Variants in CCDC91 observed in about 807,000 individuals in gnomAD.
CCDC91 encodes coiled-coil domain-containing protein 91.
A neutral mutation model predicts 63.2 loss-of-function variants in CCDC91; 48 were observed. The observed-to-expected ratio is 0.76, with a 90% CI of 0.60 to 0.97. CCDC91 has a LOEUF of 0.97. Ranked by LOEUF, CCDC91 falls within the 50% of genes least tolerant of loss-of-function variation. CCDC91 has a pLI of 0.00. For missense variants in CCDC91, 500 were observed against 494.6 expected (o/e 1.01, Z -0.10); for synonymous variants, 167 against 165.8 (o/e 1.01, Z -0.06).
At chr12:28,265,774 A>T (rs1486583858) in intron 3 of CCDC91, among the ~76,000 whole-genome samples, 1 of 152,056 alleles carries the variant, frequency 6.6e-6, no homozygotes, top group Non-Finnish European at 1.5e-5. Context: ...TGTTAATCAA[A>T]TTCATTTGTC....
chr12:28,240,081 ATACT>A (rs1194138266), intron 1 of CCDC91, among the ~76,000 whole-genome samples: 2 of 152,292 alleles, frequency 1.3e-5, no homozygotes, highest in African/African-American at 4.8e-5. Flanking sequence ...ATTTCTGTCA[ATACT>A]TACTCTGAAA....
At chr12:28,415,963 G>C (rs1258067322) in intron 8 of CCDC91, among the ~76,000 whole-genome samples, 1 of 97,260 alleles carries the variant, frequency 1.0e-5, no homozygotes, top group Admixed American at 1.4e-4. Flanking sequence ...CAGCACTGAG[G>C]AATGTGTTTT....
intron 12 of CCDC91, among the ~76,000 whole-genome samples, chr12:28,500,933 T>C (rs1053434122): frequency 5.3e-5 from 8 of 151,708 alleles, no homozygotes; most frequent in Non-Finnish European, 1.0e-4. Flanking sequence ...AAACAAGTCA[T>C]AGAAATTCTC....
intron 7 of CCDC91, among the ~76,000 whole-genome samples, chr12:28,365,017 C>T (rs1231182137): frequency 2.0e-5 from 3 of 152,068 alleles, no homozygotes; most frequent in South Asian, 4.1e-4. Flanking sequence ...AATCAATATG[C>T]AATGAATTTT....
chr12:28,405,301 G>A (rs528841108), intron 8 of CCDC91, among the ~76,000 whole-genome samples: 4 of 152,024 alleles, frequency 2.6e-5, no homozygotes, highest in Admixed American at 6.5e-5. Context: ...CAATACTAAA[G>A]TATTCCAAGT....
intron 3 of CCDC91, among the ~76,000 whole-genome samples, chr12:28,275,116 G>A (rs900349919): frequency 2.0e-5 from 3 of 152,064 alleles, no homozygotes; most frequent in Non-Finnish European, 4.4e-5. Context: ...AAATAACTAA[G>A]ATCAGAGCAG....
chr12:28,205,054 C>A (rs1356740336), intron 1 of CCDC91, among the ~76,000 whole-genome samples: 1 of 152,014 alleles, frequency 6.6e-6, no homozygotes, highest in Non-Finnish European at 1.5e-5. Context: ...CCTAGATTGC[C>A]TGTTGGAAAG....
At chr12:28,411,554 C>T (rs889002381) in intron 8 of CCDC91, among the ~76,000 whole-genome samples, 2 of 152,146 alleles carry the variant, frequency 1.3e-5, no homozygotes, top group African/African-American at 2.4e-5. Flanking sequence ...CTTTCTCTTC[C>T]TTCCCTAAAG....
intron 6 of CCDC91, among the ~76,000 whole-genome samples, chr12:28,348,658 G>A (rs1942979955): frequency 6.6e-6 from 1 of 152,088 alleles, no homozygotes; most frequent in Non-Finnish European, 1.5e-5. Flanking sequence ...TGAATTGCCT[G>A]TTTTATTGAT....
At chr12:28,232,726 G>A (rs1198914904) in intron 1 of CCDC91, among the ~76,000 whole-genome samples, 1 of 151,984 alleles carries the variant, frequency 6.6e-6, no homozygotes, top group East Asian at 1.9e-4. Flanking sequence ...ATGACTGAAC[G>A]GTCAGAAATG....
At chr12:28,201,603 G>A (rs9807939) in intron 1 of CCDC91, among the ~76,000 whole-genome samples, 2 of 146,556 alleles carry the variant, frequency 1.4e-5, no homozygotes, top group South Asian at 2.2e-4. Context: ...AGGCAGAGAC[G>A]CTCCTCACTT....
At chr12:28,288,148 C>G (rs1473691807) in intron 3 of CCDC91, among the ~76,000 whole-genome samples, 1 of 152,188 alleles carries the variant, frequency 6.6e-6, no homozygotes, top group African/African-American at 2.4e-5. Flanking sequence ...TGTCTGCAAG[C>G]AGGAATAGTT....
chr12:28,430,871 G>A (rs978795729), intron 8 of CCDC91, among the ~76,000 whole-genome samples: 11 of 152,086 alleles, frequency 7.2e-5, no homozygotes, highest in Non-Finnish European at 1.0e-4. Context: ...CTTACCTGCA[G>A]AGACTACATT....
At chr12:28,480,730 C>G (rs1289884065) in intron 11 of CCDC91, among the ~76,000 whole-genome samples, 2 of 151,872 alleles carry the variant, frequency 1.3e-5, no homozygotes, top group Admixed American at 1.3e-4. Context: ...CACAATTTCC[C>G]CAGAAAATTA....
intron 8 of CCDC91, among the ~76,000 whole-genome samples, chr12:28,415,915 C>G (rs1048167628): frequency 5.9e-5 from 9 of 151,262 alleles, no homozygotes; most frequent in Admixed American, 1.3e-4. Flanking sequence ...AGTACCAAAG[C>G]TATTCAAATG....
chr12:28,487,187 A>T (rs1951771257), intron 12 of CCDC91, among the ~76,000 whole-genome samples: 1 of 151,890 alleles, frequency 6.6e-6, no homozygotes, highest in Non-Finnish European at 1.5e-5. Flanking sequence ...GAAATTTATT[A>T]CTTCCACTTT....
intron 7 of CCDC91, among the ~76,000 whole-genome samples, chr12:28,370,882 AACTC>A (rs772212587): frequency 3.9e-4 from 59 of 152,184 alleles, no homozygotes; most frequent in Non-Finnish European, 3.7e-4. Context: ...ATCTCATGAG[AACTC>A]ACTCACTATC....
chr12:28,332,564 T>C (rs1941601217), intron 6 of CCDC91, among the ~76,000 whole-genome samples: 1 of 152,224 alleles, frequency 6.6e-6, no homozygotes, highest in Non-Finnish European at 1.5e-5. Flanking sequence ...AAACTACTTA[T>C]CTTGACTTTT....
chr12:28,286,746 G>C (rs1385183450), intron 3 of CCDC91, among the ~76,000 whole-genome samples: 1 of 152,096 alleles, frequency 6.6e-6, no homozygotes, highest in Non-Finnish European at 1.5e-5. Flanking sequence ...GGACTATTGG[G>C]TCATATAGTA....
Sources: gnomAD v4.1 joint callset for allele counts (sites outside exome capture counted in the v4.1 genomes callset) on GRCh38, gnomAD v4.1.1 for gene constraint, MANE v1.5 for transcripts, NCBI Gene and HGNC (gene_info 2026-07-23, HGNC 2026-07-21) for gene names.